The following UEVLD variants were observed in gnomAD, a reference collection of about 807,000 sequenced individuals.
UEVLD encodes ubiquitin-conjugating enzyme E2 variant 3.
UEVLD carries 47 observed loss-of-function variants against 58.6 expected under a neutral mutation model. The ratio of observed to expected loss-of-function variants is 0.80; its 90% CI spans 0.63 to 1.02. The LOEUF is 1.02. Ranked by LOEUF, UEVLD falls within the 50% of genes least tolerant of loss-of-function variation. The probability of loss-of-function intolerance (pLI) is 0.00; values close to 1 mark genes in which losing one functional copy is unlikely to be tolerated. For missense variants in UEVLD, 510 were observed against 550.6 expected (o/e 0.93, Z 0.74); for synonymous variants, 197 against 195.3 (o/e 1.01, Z -0.07).
intron 9 of UEVLD, among the ~76,000 whole-genome samples, chr11:18,538,240 G>A (rs1565107641): frequency 6.6e-6 from 1 of 152,044 alleles, no homozygotes; most frequent in Non-Finnish European, 1.5e-5. Flanking sequence ...CCAGAGTGCA[G>A]GGACCATGTA....
rs770365988 is a variant in UEVLD at position 18,546,862 on chromosome 11, T to A, written c.886+18A>T. On this transcript the variant is annotated intron_variant, in intron 8 of 11. Coordinates refer to ENST00000396197, the MANE Select transcript of UEVLD (RefSeq NM_001040697.4). ...GATGTACTGGACCATCAACTTAATT[T>A]AAAATAAAGCATTTTACCTGGTTGA... is the stretch of plus-strand genomic sequence containing the variant. The A allele has an allele frequency of 1.2e-6, 2 of 1,609,868 alleles. No individual in the cohort carries two copies.
chr11:18,536,278 T>A (rs56811637), intron 10 of UEVLD, 128 bp downstream of exon 10: 20,460 of 806,946 alleles, frequency 0.025, 810 homozygotes, highest in African/African-American at 0.15. Flanking sequence ...TGCTCCTTTA[T>A]ACTTTTGGGT....
chr11:18,571,214 G>A (rs1590361338), intron 3 of UEVLD, among the ~76,000 whole-genome samples: 3 of 152,210 alleles, frequency 2.0e-5, no homozygotes, highest in Admixed American at 2.0e-4. Context: ...GGGCATGGTG[G>A]CAAGCACCTG....
At chr11:18,579,586 G>T in intron 1 of UEVLD, 3 of 738,098 alleles carry the variant, frequency 4.1e-6, no homozygotes, top group Non-Finnish European at 5.0e-6. Flanking sequence ...GAAAACAAAA[G>T]CATGCAAGTT....
At chr11:18,567,266 T>A (rs1422449182) in intron 4 of UEVLD, among the ~76,000 whole-genome samples, 1 of 152,206 alleles carries the variant, frequency 6.6e-6, no homozygotes, top group African/African-American at 2.4e-5. Context: ...TTCAGTGTCA[T>A]CAGTAATACA....
At chr11:18,546,769 T>A in intron 8 of UEVLD, 111 bp downstream of exon 8, 2 of 1,200,452 alleles carry the variant, frequency 1.7e-6, no homozygotes, top group Non-Finnish European at 2.3e-6. Flanking sequence ...AGTGTTGGGA[T>A]TACTGGTGTG....
intron 7 of UEVLD, among the ~76,000 whole-genome samples, chr11:18,555,385 C>T (rs1240908533): frequency 6.6e-6 from 1 of 151,254 alleles, no homozygotes; most frequent in Non-Finnish European, 1.5e-5. Flanking sequence ...GAGATCGTGC[C>T]ACTGCATTCC....
At chr11:18,564,785 A>G (rs1487079934) in intron 6 of UEVLD, 107 bp downstream of exon 6, 1 of 700,110 alleles carries the variant, frequency 1.4e-6, no homozygotes, top group Non-Finnish European at 2.3e-6. Flanking sequence ...AAGCCAAAAT[A>G]AGGTTTTCCC....
rs575419410 is a variant in UEVLD, at chr11:18,552,478, C to T, written c.716-5428G>A. Among the ~76,000 whole-genome samples, 6 of 151,918 alleles carry T rather than the reference C, an allele frequency of 3.9e-5. No individual in the cohort carries two copies. The East Asian group carries it at 5.8e-4, about 15-fold the overall frequency. ...AGGAGAATCACTTGAACCCAGGAGG[C>T]GGAGGTGGCAGTGAGCCGAGATGGC... On this transcript the variant is annotated intron_variant, in intron 7 of 11. Coordinates refer to ENST00000396197, the MANE Select transcript of UEVLD (RefSeq NM_001040697.4).
At chr11:18,576,501 G>A (rs1852917815) in intron 2 of UEVLD, among the ~76,000 whole-genome samples, 1 of 151,844 alleles carries the variant, frequency 6.6e-6, no homozygotes, top group Non-Finnish European at 1.5e-5. Context: ...ACTCCAGCCT[G>A]GGCAACAGAG....
At chr11:18,553,540 A>C (rs1289630736) in intron 7 of UEVLD, among the ~76,000 whole-genome samples, 1 of 152,158 alleles carries the variant, frequency 6.6e-6, no homozygotes, top group East Asian at 1.9e-4. Context: ...AGAACCAAAA[A>C]GAGGTATTAA....
At chr11:18,577,630 G>A (rs950201127) in intron 2 of UEVLD, among the ~76,000 whole-genome samples, 1 of 152,208 alleles carries the variant, frequency 6.6e-6, no homozygotes, top group Non-Finnish European at 1.5e-5. Context: ...AGCACTTTGG[G>A]AGGCCGAGGT....
intron 6 of UEVLD, chr11:18,564,020 A>AG: frequency 2.8e-6 from 1 of 362,594 alleles, no homozygotes; most frequent in Non-Finnish European, 5.5e-6. Flanking sequence ...AAAAAAAAAA[A>AG]AAAAGAGGTG....
intron 1 of UEVLD, among the ~76,000 whole-genome samples, chr11:18,587,098 A>G (rs543240543): frequency 1.3e-5 from 2 of 151,876 alleles, no homozygotes; most frequent in African/African-American, 4.8e-5. Flanking sequence ...ACTGATGGGG[A>G]AAAAAAAATC....
At chr11:18,549,764 G>T (rs1035683818) in intron 7 of UEVLD, among the ~76,000 whole-genome samples, 3 of 151,696 alleles carry the variant, frequency 2.0e-5, no homozygotes, top group Non-Finnish European at 4.4e-5. Flanking sequence ...TACTCCCAAA[G>T]ATTTTCCCAT....
chr11:18,546,513 T>A lies in UEVLD; in HGVS notation c.886+367A>T, dbSNP rs572874976. Among the ~76,000 whole-genome samples, 220 of 152,038 alleles carry A rather than the reference T, an allele frequency of 1.4e-3. 1 individual carries two copies. Among genetic ancestry groups the A allele is most frequent in the African/African-American group, 4.8e-3 (201 of 41,516 alleles). ...TTTTTTATTTTGTTTTTGTTTTTTT[T>A]TTTTGAGAGAGTCTCACTCTGTCGG... On this transcript the variant is annotated intron_variant, in intron 8 of 11. Transcript: ENST00000396197.
chr11:18,573,599 T>C (rs1852743860), intron 3 of UEVLD, among the ~76,000 whole-genome samples: 2 of 152,234 alleles, frequency 1.3e-5, no homozygotes, highest in Admixed American at 6.5e-5. Context: ...ATGGATCCCA[T>C]GGCTAGCTGC....
At chr11:18,584,195 CACA>C (rs576348318) in intron 1 of UEVLD, among the ~76,000 whole-genome samples, 107 of 152,112 alleles carry the variant, frequency 7.0e-4, no homozygotes, top group African/African-American at 2.5e-3. Flanking sequence ...GCCTGGGCAA[CACA>C]ACAAGACACT....
chr11:18,583,144 G>C (rs1053969626), intron 1 of UEVLD, among the ~76,000 whole-genome samples: 7 of 150,932 alleles, frequency 4.6e-5, no homozygotes, highest in Non-Finnish European at 8.8e-5. Flanking sequence ...GGCTGGTCTC[G>C]AACTCCTGAG....
Sources: gnomAD v4.1 joint callset for allele counts (sites outside exome capture counted in the v4.1 genomes callset) on GRCh38, gnomAD v4.1.1 for gene constraint, MANE v1.5 for transcripts, NCBI Gene and HGNC (gene_info 2026-07-23, HGNC 2026-07-21) for gene names.